SASH1: variants seen among roughly 807,000 people sequenced by gnomAD.
SASH1 encodes the protein SAM and SH3 domain-containing protein 1.
SASH1 carries 44 observed loss-of-function variants against 125.2 expected under a neutral mutation model. That is an observed-to-expected ratio of 0.35 (90% CI 0.28 to 0.45). The LOEUF (loss-of-function observed/expected upper bound fraction) is 0.45, where lower values mean the gene tolerates loss of function less well. Ranked by LOEUF, SASH1 falls within the 20% of genes least tolerant of loss-of-function variation. SASH1 has a pLI of 1.00. For missense variants in SASH1, 1,426 were observed against 1,614.5 expected (o/e 0.88, Z 2.00); for synonymous variants, 639 against 649.1 (o/e 0.98, Z 0.24).
At chr6:148,365,971 G>A (rs1782433877) in intron 1 of SASH1, among the ~76,000 whole-genome samples, 1 of 152,176 alleles carries the variant, frequency 6.6e-6, no homozygotes, top group East Asian at 1.9e-4. Flanking sequence ...AAATTAGCCA[G>A]GCGTGGTGGC....
At chr6:148,262,213 G>A in the SASH1 span, among the ~76,000 whole-genome samples, 1 of 152,138 alleles carries the variant, frequency 6.6e-6, no homozygotes, top group East Asian at 1.9e-4. Flanking sequence ...GTGCTGTAGA[G>A]TGCGGTGGTC....
At chr6:148,305,703 A>T (rs1780111532) in intron 1 of SASH1, among the ~76,000 whole-genome samples, 1 of 152,166 alleles carries the variant, frequency 6.6e-6, no homozygotes, top group South Asian at 2.1e-4. Context: ...CATTTAAACA[A>T]CTGGCAGACC....
At position 148,529,288 on chromosome 6, in the gene SASH1, A is replaced by C. The variant is rs1263016332; in HGVS notation, c.1428+1692A>C. Reference sequence around the variant, plus strand: ...TCTTAGCATGCACAGGACGGTCTGCACAGCAAAGAGCTGTCCATCAAAATG... The same window carrying C: ...TCTTAGCATGCACAGGACGGTCTGCCCAGCAAAGAGCTGTCCATCAAAATG... On this transcript the variant is annotated intron_variant, in intron 12 of 19. Transcript: ENST00000367467. This position sits in a 1 kb window ranked among gnomAD's most constrained non-coding sequence, Gnocchi z 4.2. 6.6e-6 allele frequency among the ~76,000 whole-genome samples: 1 copy of C among 152,232 alleles called. No individual in the cohort carries two copies. The highest frequency in any genetic ancestry group is 2.4e-5 in the African/African-American group (1 of 41,454).
At chr6:148,209,586 C>T in the SASH1 span, among the ~76,000 whole-genome samples, 1 of 152,318 alleles carries the variant, frequency 6.6e-6, no homozygotes. Context: ...CTTTATTCCC[C>T]TCTTTGTCCT....
chr6:148,399,751 C>T (rs1426031647), intron 2 of SASH1, among the ~76,000 whole-genome samples: 1 of 152,120 alleles, frequency 6.6e-6, no homozygotes, highest in African/African-American at 2.4e-5. Context: ...GTAAAAGTGG[C>T]CACTTTGATG....
intron 2 of SASH1, among the ~76,000 whole-genome samples, chr6:148,434,769 T>A (rs1241244497): frequency 1.3e-5 from 2 of 152,354 alleles, no homozygotes; most frequent in East Asian, 3.9e-4. Context: ...AACTAAGTTA[T>A]AATGCCCTCA....
chr6:148,208,130 A>G, the SASH1 span, among the ~76,000 whole-genome samples: 1 of 151,978 alleles, frequency 6.6e-6, no homozygotes, highest in Non-Finnish European at 1.5e-5. Flanking sequence ...CTTCTGGGAG[A>G]CCATAAGCTC....
At chr6:148,435,245 G>A (rs1299902596) in intron 2 of SASH1, among the ~76,000 whole-genome samples, 1 of 152,002 alleles carries the variant, frequency 6.6e-6, no homozygotes, top group African/African-American at 2.4e-5. Flanking sequence ...GGGCGTGGTG[G>A]TGGGTACCTG....
Position 148,550,628 on chromosome 6 carries a change from ATGTT to A in SASH1, c.*2078_*2081del, listed in dbSNP as rs1452191478. 1.3e-5 allele frequency: 2 copies of A among 152,210 alleles called. No individual in the cohort carries two copies. The highest frequency in any genetic ancestry group is 2.9e-5 in the Non-Finnish European group (2 of 68,022). The allele number at this position is 152,210 out of a possible 1,614,324, so 9.4% of individuals were successfully genotyped here. A position where few individuals can be genotyped will look rare whatever the true frequency, so the allele number is the denominator to read the frequency against. On this transcript the variant is annotated 3_prime_UTR_variant, in exon 20 of 20. Coordinates refer to ENST00000367467, the MANE Select transcript of SASH1 (RefSeq NM_015278.5). Reference sequence around the variant, plus strand: ...TCTGTTGAACTCTTAAAAACAGCTCATGTTTGTTTGTCCTCTCGGGTTGTGGCCT... The same window carrying A: ...TCTGTTGAACTCTTAAAAACAGCTCATGTTTGTCCTCTCGGGTTGTGGCCT...
Position 148,514,323 on chromosome 6 carries a change from G to A in SASH1, c.730-1G>A, listed in dbSNP as rs1263817024. ...AACTTTTTCCTTTGTTTCTTTGCCA[G>A]TCAAGAGAACAATCGGATGATGAGA... On this transcript the variant is annotated splice_acceptor_variant, in intron 8 of 19. Coordinates refer to ENST00000367467, the MANE Select transcript of SASH1 (RefSeq NM_015278.5). LOFTEE classifies it high-confidence loss of function. 1 of 1,598,880 alleles carries A rather than the reference G, an allele frequency of 6.3e-7. No homozygotes were observed. Among genetic ancestry groups the A allele is most frequent in the African/African-American group, 1.4e-5 (1 of 73,808 alleles).
At chr6:148,310,640 G>A (rs1479649704) in intron 1 of SASH1, among the ~76,000 whole-genome samples, 4 of 152,040 alleles carry the variant, frequency 2.6e-5, no homozygotes, top group African/African-American at 9.7e-5. Flanking sequence ...ATTTGATAAA[G>A]GACTTGTATC....
intron 5 of SASH1, 132 bp downstream of exon 5, chr6:148,468,717 A>T: frequency 1.7e-6 from 1 of 590,434 alleles, no homozygotes; most frequent in Non-Finnish European, 2.9e-6. Context: ...TTTGATGTAC[A>T]TCCTTATTCT....
intron 1 of SASH1, among the ~76,000 whole-genome samples, chr6:148,300,975 G>A (rs1403785270): frequency 6.6e-6 from 1 of 151,974 alleles, no homozygotes; most frequent in Admixed American, 6.6e-5. Flanking sequence ...TGTTGTTGTT[G>A]AGGCAGTCTT....
At chr6:148,432,559 G>A (rs1229732081) in intron 2 of SASH1, among the ~76,000 whole-genome samples, 2 of 152,188 alleles carry the variant, frequency 1.3e-5, no homozygotes, top group African/African-American at 4.8e-5. Flanking sequence ...GCATCCGATC[G>A]CCTCTGGCTT....
intron 1 of SASH1, among the ~76,000 whole-genome samples, chr6:148,376,569 C>A (rs1193858746): frequency 1.3e-5 from 2 of 152,142 alleles, no homozygotes; most frequent in African/African-American, 4.8e-5. Flanking sequence ...TTTCTTACAA[C>A]ACCCGAACCA....
the SASH1 span, among the ~76,000 whole-genome samples, chr6:148,266,812 A>C: frequency 6.6e-6 from 1 of 150,660 alleles, no homozygotes; most frequent in Non-Finnish European, 1.5e-5. Flanking sequence ...ATGTCTCACT[A>C]TGTTGCCCCA....
intron 8 of SASH1, among the ~76,000 whole-genome samples, chr6:148,498,631 A>G (rs1176836842): frequency 2.0e-5 from 3 of 152,220 alleles, no homozygotes; most frequent in African/African-American, 7.2e-5. Context: ...CCTTTGTCCA[A>G]CCTAATACAT....
chr6:148,547,102 T>C (rs1782620055), intron 19 of SASH1, among the ~76,000 whole-genome samples: 1 of 152,184 alleles, frequency 6.6e-6, no homozygotes. Context: ...TTTCTTTTCT[T>C]ATTAAGTCAA....
In SASH1 at chr6:148,548,363, A is replaced by T; in HGVS notation, c.3549A>T (p.Ser1183=). The T allele has an allele frequency of 6.2e-7, 1 of 1,614,236 alleles. No homozygotes were observed. The highest frequency in any genetic ancestry group is 2.2e-5 in the East Asian group (1 of 44,886). ...CTCCTGGGTGCATTTCGTCTGTGTCAGATTGGCTCATTTCCATCGGTCTGC... is the reference window on the plus strand; with the variant it reads ...CTCCTGGGTGCATTTCGTCTGTGTCTGATTGGCTCATTTCCATCGGTCTGC... ...PVSPGCISSV[S]DWLISIGLPM... The change falls in exon 20 of 20, where the codon TCA becomes TCT. Residue 1183 remains serine (S), a synonymous_variant. Coordinates refer to ENST00000367467, the MANE Select transcript of SASH1 (RefSeq NM_015278.5).
Sources: allele counts gnomAD v4.1 joint callset (sites outside exome capture counted in the v4.1 genomes callset), GRCh38; gene constraint gnomAD v4.1.1; non-coding constraint Gnocchi (gnomAD v3.1); transcripts MANE v1.5; gene names NCBI Gene and HGNC (gene_info 2026-07-23, HGNC 2026-07-21).